The following ERC2 variants were observed in gnomAD, a reference collection of about 807,000 sequenced individuals.
ERC2 encodes the protein ERC protein 2.
In ERC2, 42 loss-of-function variants were observed where a neutral mutation model predicts 114.8. That is an observed-to-expected ratio of 0.37 (90% CI 0.29 to 0.47). The LOEUF (loss-of-function observed/expected upper bound fraction) is 0.47. Ranked by LOEUF, ERC2 falls within the 20% of genes least tolerant of loss-of-function variation. ERC2 has a pLI of 0.99. For missense variants in ERC2, 939 were observed against 1,150.7 expected, an observed-to-expected ratio of 0.82 and a Z score of 2.66; for synonymous variants, 454 against 425.5, an observed-to-expected ratio of 1.07 and a Z score of -0.82.
intron 6 of ERC2, among the ~76,000 whole-genome samples, chr3:56,106,606 AT>A (rs967545308): frequency 6.6e-6 from 1 of 152,094 alleles, no homozygotes; most frequent in Non-Finnish European, 1.5e-5. Flanking sequence ...TTACTTATTT[AT>A]TTTTTTAAAT....
chr3:56,092,615 CATA>C (rs1455256604), intron 6 of ERC2, among the ~76,000 whole-genome samples: 4 of 152,118 alleles, frequency 2.6e-5, no homozygotes, highest in Admixed American at 6.5e-5. Flanking sequence ...CTATAGCTGT[CATA>C]ATATTTTTGA....
intron 6 of ERC2, among the ~76,000 whole-genome samples, chr3:56,110,445 T>G (rs1418651131): frequency 6.6e-6 from 1 of 152,084 alleles, no homozygotes; most frequent in Non-Finnish European, 1.5e-5. Context: ...TGATTAAGAA[T>G]AAAATTAAGA....
At chr3:55,936,281 C>T (rs2066439602) in intron 13 of ERC2, among the ~76,000 whole-genome samples, 1 of 152,134 alleles carries the variant, frequency 6.6e-6, no homozygotes, top group African/African-American at 2.4e-5. Context: ...ACTCTGCTCA[C>T]TTATAATAAC....
intron 1 of ERC2, among the ~76,000 whole-genome samples, chr3:56,458,872 C>T (rs1370019338): frequency 6.6e-6 from 1 of 152,156 alleles, no homozygotes; most frequent in Non-Finnish European, 1.5e-5. Flanking sequence ...AACCCTGCTC[C>T]TCTCGGAACC....
intron 10 of ERC2, among the ~76,000 whole-genome samples, chr3:56,006,753 G>A (rs751494282): frequency 1.3e-5 from 2 of 152,016 alleles, no homozygotes; most frequent in African/African-American, 2.4e-5. Context: ...AGTTAACAAT[G>A]TCAGAAAAGC....
chr3:56,109,982 G>T (rs543143078), intron 6 of ERC2, among the ~76,000 whole-genome samples: 3 of 152,032 alleles, frequency 2.0e-5, no homozygotes, highest in Non-Finnish European at 4.4e-5. Context: ...ACAAAATGGG[G>T]GTAAATGTCT....
chr3:56,032,888 AG>A lies in ERC2; in HGVS notation c.1642-13858del, dbSNP rs1382761399. Among the ~76,000 whole-genome samples, 95 of 107,534 alleles carry A rather than the reference AG, an allele frequency of 8.8e-4. 1 individual carries two copies. Among genetic ancestry groups the A allele is most frequent in the East Asian group, 5.9e-3 (24 of 4,102 alleles). The allele number at this position is 107,534 out of a possible 152,430, so 70.5% of individuals were successfully genotyped here. On this transcript the variant is annotated intron_variant, in intron 7 of 17. Transcript: ENST00000288221. ...GAAAGAAAGAAAGAAAGAAAGAAAG[AG>A]AGAGAGAGAGACAGAAAGAAAGAAA... is the stretch of plus-strand genomic sequence containing the variant.
At chr3:56,003,199 C>G (rs1472184709) in intron 10 of ERC2, 10 of 1,208,302 alleles carry the variant, frequency 8.3e-6, no homozygotes, top group East Asian at 1.2e-4. Flanking sequence ...TCCAGAAAAA[C>G]AGCATTAGCT....
intron 13 of ERC2, among the ~76,000 whole-genome samples, chr3:55,905,374 C>G (rs559406720): frequency 6.6e-6 from 1 of 152,274 alleles, no homozygotes; most frequent in Admixed American, 6.5e-5. Context: ...AGCCACCACG[C>G]ACATTCTTCT....
chr3:55,518,260 C>T (rs1333984455), intron 17 of ERC2, among the ~76,000 whole-genome samples: 2 of 152,142 alleles, frequency 1.3e-5, no homozygotes, highest in Non-Finnish European at 1.5e-5. Flanking sequence ...TAGATATGTA[C>T]AGTATATGCA....
chr3:55,830,757 A>C (rs1160571895), intron 14 of ERC2, among the ~76,000 whole-genome samples: 1 of 152,138 alleles, frequency 6.6e-6, no homozygotes, highest in Non-Finnish European at 1.5e-5. Context: ...CAGCTTGGGC[A>C]ACATAGCAAG....
At chr3:56,325,364 T>C (rs2057313712) in intron 2 of ERC2, among the ~76,000 whole-genome samples, 3 of 152,138 alleles carry the variant, frequency 2.0e-5, no homozygotes, top group Admixed American at 2.0e-4. Context: ...GAGAATGGCA[T>C]GAACCCAGGA....
intron 11 of ERC2, among the ~76,000 whole-genome samples, chr3:55,986,782 T>A (rs2070675252): frequency 6.6e-6 from 1 of 150,928 alleles, no homozygotes; most frequent in African/African-American, 2.4e-5. Flanking sequence ...AAAACAATAA[T>A]CTCTATTGTC....
At chr3:56,397,317 C>T (rs1183912186) in intron 2 of ERC2, among the ~76,000 whole-genome samples, 1 of 150,546 alleles carries the variant, frequency 6.6e-6, no homozygotes, top group Non-Finnish European at 1.5e-5. Flanking sequence ...CCACTGCACT[C>T]CAGCCTGGGC....
chr3:55,842,855 G>C (rs1306551175), intron 14 of ERC2, among the ~76,000 whole-genome samples: 1 of 152,122 alleles, frequency 6.6e-6, no homozygotes, highest in African/African-American at 2.4e-5. Flanking sequence ...TCAAAAGTGA[G>C]TTGAGGAGCT....
intron 3 of ERC2, among the ~76,000 whole-genome samples, chr3:56,203,843 C>T (rs2048544380): frequency 6.6e-6 from 1 of 152,178 alleles, no homozygotes; most frequent in Non-Finnish European, 1.5e-5. Flanking sequence ...TAAAGAACCA[C>T]CTTGTGCAGA....
At chr3:55,550,632 GTGGC>G (rs915560468) in intron 17 of ERC2, among the ~76,000 whole-genome samples, 2 of 152,210 alleles carry the variant, frequency 1.3e-5, no homozygotes, top group African/African-American at 2.4e-5. Flanking sequence ...GAGATGGTCA[GTGGC>G]TTGTCCAAGG....
chr3:55,962,546 T>C (rs1207936969), intron 12 of ERC2, among the ~76,000 whole-genome samples: 1 of 152,254 alleles, frequency 6.6e-6, no homozygotes, highest in Non-Finnish European at 1.5e-5. Flanking sequence ...GTCTAGAACA[T>C]GAGACCAGGG....
chr3:56,455,738 G>A (rs1225382383), intron 1 of ERC2, among the ~76,000 whole-genome samples: 2 of 152,122 alleles, frequency 1.3e-5, no homozygotes, highest in Non-Finnish European at 2.9e-5. Flanking sequence ...TTTTATAGAA[G>A]ATAAACTACG....
Sources: gnomAD v4.1 joint callset for allele counts (sites outside exome capture counted in the v4.1 genomes callset) on GRCh38, gnomAD v4.1.1 for gene constraint, MANE v1.5 for transcripts, NCBI Gene and HGNC (gene_info 2026-07-23, HGNC 2026-07-21) for gene names.